TDRD3: variants seen among roughly 807,000 people sequenced by gnomAD.
The protein encoded by TDRD3 is tudor domain containing 3.
A neutral mutation model predicts 86.7 loss-of-function variants in TDRD3; 45 were observed. The observed-to-expected ratio is 0.52, with a 90% CI of 0.41 to 0.67. The LOEUF (loss-of-function observed/expected upper bound fraction) is 0.67. TDRD3 is among the 30% of genes least tolerant of loss of function. The probability of loss-of-function intolerance (pLI) is 0.00; values close to 1 mark genes in which losing one functional copy is unlikely to be tolerated. For missense variants in TDRD3, 814 were observed against 889.0 expected (o/e 0.92, Z 1.07); for synonymous variants, 298 against 301.7 (o/e 0.99, Z 0.13).
At chr13:60,523,768 G>C (rs796092332) in intron 10 of TDRD3, among the ~76,000 whole-genome samples, 1 of 151,358 alleles carries the variant, frequency 6.6e-6, no homozygotes, top group Non-Finnish European at 1.5e-5. Context: ...GTAGAGATGG[G>C]GTTTCACCAT....
chr13:60,568,221 T>C (rs542382596), intron 13 of TDRD3, among the ~76,000 whole-genome samples: 23 of 152,296 alleles, frequency 1.5e-4, no homozygotes, highest in African/African-American at 4.8e-4. Flanking sequence ...CATGTAGTAG[T>C]AGTCTGCCTA....
chr13:60,512,132 A>C (rs1332268224), intron 10 of TDRD3, among the ~76,000 whole-genome samples: 1 of 152,132 alleles, frequency 6.6e-6, no homozygotes, highest in East Asian at 1.9e-4. Context: ...GAAGCCTCAC[A>C]ATCACGGTGG....
intron 12 of TDRD3, among the ~76,000 whole-genome samples, chr13:60,566,979 A>T (rs150097950): frequency 8.5e-5 from 13 of 152,196 alleles, no homozygotes; most frequent in African/African-American, 3.1e-4. Context: ...CCTATTCCAA[A>T]CCATTATTTT....
At chr13:60,402,442 T>C (rs1334941406) in intron 1 of TDRD3, among the ~76,000 whole-genome samples, 2 of 152,228 alleles carry the variant, frequency 1.3e-5, no homozygotes, top group Non-Finnish European at 2.9e-5. Context: ...ACCATTCCAG[T>C]ACATCTCTTA....
intron 13 of TDRD3, among the ~76,000 whole-genome samples, chr13:60,567,937 A>G (rs9538751): frequency 0.42 from 62,685 of 148,014 alleles, 13,701 homozygotes; most frequent in South Asian, 0.55. Flanking sequence ...GGGTTTCACC[A>G]TGTTGGCCAG....
intron 12 of TDRD3, among the ~76,000 whole-genome samples, chr13:60,561,239 A>G (rs1010008873): frequency 6.6e-6 from 1 of 152,146 alleles, no homozygotes; most frequent in African/African-American, 2.4e-5. Flanking sequence ...CATTTAATTT[A>G]TAGGAGTCAA....
At chr13:60,465,102 T>C (rs1256461110) in intron 4 of TDRD3, among the ~76,000 whole-genome samples, 1 of 152,174 alleles carries the variant, frequency 6.6e-6, no homozygotes, top group East Asian at 1.9e-4. Flanking sequence ...ATTTAGCCCC[T>C]AATTCCTTTT....
intron 1 of TDRD3, among the ~76,000 whole-genome samples, chr13:60,400,652 C>T (rs1317590893): frequency 6.6e-6 from 1 of 151,654 alleles, no homozygotes; most frequent in African/African-American, 2.4e-5. Flanking sequence ...GCAGGAGAAT[C>T]GCTTGAACCC....
At chr13:60,426,779 C>T (rs970886984) in intron 1 of TDRD3, among the ~76,000 whole-genome samples, 1 of 152,196 alleles carries the variant, frequency 6.6e-6, no homozygotes, top group African/African-American at 2.4e-5. Context: ...ATACCATATA[C>T]TGTCATTCAT....
intron 1 of TDRD3, among the ~76,000 whole-genome samples, chr13:60,414,882 A>G (rs1594903605): frequency 6.6e-6 from 1 of 151,974 alleles, no homozygotes; most frequent in Non-Finnish European, 1.5e-5. Context: ...GACAACAGAC[A>G]GTGGTTTTTT....
At chr13:60,488,570 G>GT (rs1956503402) in intron 7 of TDRD3, among the ~76,000 whole-genome samples, 1 of 151,666 alleles carries the variant, frequency 6.6e-6, no homozygotes. Flanking sequence ...GATTGTTTGG[G>GT]TTTTTTTGTT....
chr13:60,550,712 T>C (rs550014495), intron 12 of TDRD3, among the ~76,000 whole-genome samples: 1 of 152,238 alleles, frequency 6.6e-6, no homozygotes, highest in South Asian at 2.1e-4. Context: ...GTTTCGCATT[T>C]TGTGTTAGGT....
At chr13:60,430,973 G>C in intron 1 of TDRD3, among the ~76,000 whole-genome samples, 1 of 152,144 alleles carries the variant, frequency 6.6e-6, no homozygotes, top group South Asian at 2.1e-4. Context: ...GCATTAGTCT[G>C]TAATAATTTA....
chr13:60,459,174 C>G (rs2138046456), intron 3 of TDRD3, among the ~76,000 whole-genome samples: 1 of 152,226 alleles, frequency 6.6e-6, no homozygotes, highest in Middle Eastern at 3.4e-3. Context: ...AACATGCTTG[C>G]TTAGGAAATG....
At chr13:60,532,760 A>C (rs546093033) in intron 11 of TDRD3, among the ~76,000 whole-genome samples, 68 of 152,242 alleles carry the variant, frequency 4.5e-4, no homozygotes, top group African/African-American at 1.6e-3. Flanking sequence ...GTCAACTGAA[A>C]TATTACAACA....
intron 12 of TDRD3, among the ~76,000 whole-genome samples, chr13:60,542,440 T>G (rs758526686): frequency 1.3e-5 from 2 of 152,222 alleles, no homozygotes; most frequent in Non-Finnish European, 2.9e-5. Context: ...GCATCCTTGT[T>G]GAATACACAC....
At chr13:60,396,929 T>G (rs1255934264), upstream of TDRD3, 1 of 154,372 alleles carries the variant, frequency 6.5e-6, no homozygotes, top group Admixed American at 6.5e-5. Flanking sequence ...GGCCTTATCC[T>G]GCCCTCTCTG....
intron 1 of TDRD3, among the ~76,000 whole-genome samples, chr13:60,435,558 A>T (rs1165058418): frequency 4.6e-5 from 7 of 152,166 alleles, no homozygotes; most frequent in African/African-American, 1.7e-4. Context: ...ATGTAGAATA[A>T]TGGCCTCCAG....
intron 12 of TDRD3, among the ~76,000 whole-genome samples, chr13:60,545,583 A>G (rs1245786587): frequency 6.6e-6 from 1 of 152,122 alleles, no homozygotes; most frequent in South Asian, 2.1e-4. Flanking sequence ...GACTTAGGAC[A>G]CTAGTGACCA....
Sources: allele counts gnomAD v4.1 joint callset (sites outside exome capture counted in the v4.1 genomes callset), GRCh38; gene constraint gnomAD v4.1.1; transcripts MANE v1.5; gene names NCBI Gene and HGNC (gene_info 2026-07-23, HGNC 2026-07-21).